Variants in ZCCHC14 observed in about 807,000 individuals in gnomAD.
ZCCHC14 encodes the protein zinc finger CCHC domain-containing protein 14.
A neutral mutation model predicts 85.0 loss-of-function variants in ZCCHC14; 16 were observed. The ratio of observed to expected loss-of-function variants is 0.19; its 90% CI spans 0.13 to 0.29. The LOEUF is 0.29. Ranked by LOEUF, ZCCHC14 falls within the 10% of genes least tolerant of loss-of-function variation. The pLI is 1.00. For missense variants in ZCCHC14, 1,303 were observed against 1,443.5 expected (o/e 0.90, Z 1.58); for synonymous variants, 775 against 630.7 (o/e 1.23, Z -3.43).
chr16:87,477,337 G>C (rs993634864), intron 1 of ZCCHC14, among the ~76,000 whole-genome samples: 2 of 152,206 alleles, frequency 1.3e-5, no homozygotes, highest in Admixed American at 6.5e-5. Context: ...CCGCTGGGGC[G>C]AAGGCAGGGA....
chr16:87,411,753 G>A lies in ZCCHC14; in HGVS notation c.2968C>T (p.Pro990Ser). Residue 990 changes from proline to serine, a missense_variant, in exon 12 of 13, where the codon CCT (proline) becomes TCT (serine). Transcript: ENST00000671377. ...GGSTFPVVHAPYSSSGTPDPV... is the reference protein window; with the variant it reads ...GGSTFPVVHASYSSSGTPDPV... ...TCTGGGGTCCCGCTGCTGCTGTAAGGGGCGTGCACGACGGGGAAGGTGGAG... is the reference window on the plus strand; with the variant it reads ...TCTGGGGTCCCGCTGCTGCTGTAAGAGGCGTGCACGACGGGGAAGGTGGAG... 1.2e-6 allele frequency: 2 copies of A among 1,612,686 alleles called. No individual in the cohort carries two copies. The highest frequency in any genetic ancestry group is 1.7e-6 in the Non-Finnish European group (2 of 1,179,012).
chr16:87,481,265 A>ATTT (rs1912254888), intron 1 of ZCCHC14, among the ~76,000 whole-genome samples: 1 of 152,192 alleles, frequency 6.6e-6, no homozygotes, highest in Non-Finnish European at 1.5e-5. Context: ...CTTCTGAACT[A>ATTT]TTTAATTAGA....
In ZCCHC14 at chr16:87,420,100, G is replaced by A. The variant is rs1909014076; in HGVS notation, c.951-223C>T. Reference sequence around the variant, plus strand: ...TCAATGCTGTATTCATGGCCACCAAGGTTGACGACAGCAGTCATGCCCTGT... The same window carrying A: ...TCAATGCTGTATTCATGGCCACCAAAGTTGACGACAGCAGTCATGCCCTGT... On this transcript the variant is annotated intron_variant, in intron 5 of 12. Transcript: ENST00000671377. The surrounding 1 kb of genome is among the most constrained non-coding windows in gnomAD (Gnocchi z 5.0). Among the ~76,000 whole-genome samples, 1 of 152,166 alleles carries A rather than the reference G, an allele frequency of 6.6e-6. No homozygotes were observed.
rs777531200 is a variant in ZCCHC14, at chr16:87,411,898, GAC to G, written c.2821_2822del (p.Val941GlnfsTer91). 6.3e-7 allele frequency: 1 copy of G among 1,595,448 alleles called. No homozygotes were observed. Among genetic ancestry groups the G allele is most frequent in the Non-Finnish European group, 8.5e-7 (1 of 1,172,450 alleles). Reference protein sequence around the residue: ...SGSCGSSGLTVSYANYFQHPF... With the variant: ...SGSCGSSGLTXSYANYFQHPF... ...GGTGCTGGAAGTAGTTGGCGTAGCT[GAC>G]AGTCAGGCCACTCGAGCCGCAGCTG... On this transcript the variant is annotated frameshift_variant, in exon 12 of 13. Transcript: ENST00000671377. LOFTEE classifies it high-confidence loss of function.
At position 87,470,156 on chromosome 16, in the gene ZCCHC14, G is replaced by A. The variant is rs1911714043; in HGVS notation, c.571-10025C>T. ...AAGACCAGCCTGGGCAACATAGTGA[G>A]ACTACATCTCTACCACAATTTAGAA... On this transcript the variant is annotated intron_variant, in intron 1 of 12. Transcript: ENST00000671377. Among the ~76,000 whole-genome samples, 3 of 151,992 alleles carry A rather than the reference G, an allele frequency of 2.0e-5. No homozygotes were observed. The South Asian group carries it at 6.2e-4, about 32-fold the overall frequency.
intron 2 of ZCCHC14, among the ~76,000 whole-genome samples, chr16:87,455,015 G>A (rs917511487): frequency 2.0e-5 from 3 of 152,200 alleles, no homozygotes; most frequent in East Asian, 1.9e-4. Context: ...GAGGCCGAGC[G>A]CCGTGGCTCA....
At position 87,411,887 on chromosome 16, in the gene ZCCHC14, T is replaced by C. The variant is rs771463715; in HGVS notation, c.2834A>G (p.Asn945Ser). Residue 945 changes from asparagine to serine, a missense_variant, in exon 12 of 13, where the codon AAC becomes AGC. Asn to Ser is a conservative substitution (Grantham distance 46). Transcript: ENST00000671377. ...GSSGLTVSYA[N>S]YFQHPFSGPS... ...ACCGGAGAACGGGTGCTGGAAGTAG[T>C]TGGCGTAGCTGACAGTCAGGCCACT... 116 of 1,598,298 alleles carry C rather than the reference T, an allele frequency of 7.3e-5. No homozygotes were observed. Among genetic ancestry groups the C allele is most frequent in the Admixed American group, 8.8e-5 (5 of 57,124 alleles).
chr16:87,459,595 C>T (rs11641226), intron 2 of ZCCHC14, among the ~76,000 whole-genome samples: 15,838 of 151,648 alleles, frequency 0.1, 1,018 homozygotes, highest in East Asian at 0.24. Context: ...CCACGACCTC[C>T]GCCTCCTGGG....
chr16:87,437,139 C>A (rs1210358237), intron 2 of ZCCHC14, among the ~76,000 whole-genome samples: 4 of 151,748 alleles, frequency 2.6e-5, no homozygotes, highest in African/African-American at 9.7e-5. Context: ...GAGTTAGAGA[C>A]CAGCCTGACC....
chr16:87,413,025 G>A (rs1347884052), intron 11 of ZCCHC14, 30 bp downstream of exon 11: 1 of 1,614,116 alleles, frequency 6.2e-7, no homozygotes, highest in Non-Finnish European at 8.5e-7. Context: ...GCTGGGCCAG[G>A]TCGAGCCAGC....
At chr16:87,446,576 G>C (rs1306634592) in intron 2 of ZCCHC14, among the ~76,000 whole-genome samples, 1 of 152,110 alleles carries the variant, frequency 6.6e-6, no homozygotes, top group Non-Finnish European at 1.5e-5. Flanking sequence ...ACGTTTGCCA[G>C]CTCCTGAATC....
intron 2 of ZCCHC14, among the ~76,000 whole-genome samples, chr16:87,449,529 C>T (rs1158636105): frequency 6.6e-6 from 1 of 152,086 alleles, no homozygotes; most frequent in Non-Finnish European, 1.5e-5. Context: ...ACCAAGAGAG[C>T]AAACCCCAAT....
At chr16:87,424,838 G>A (rs1909286691) in intron 3 of ZCCHC14, among the ~76,000 whole-genome samples, 2 of 152,174 alleles carry the variant, frequency 1.3e-5, no homozygotes, top group African/African-American at 2.4e-5. Flanking sequence ...AGGTCAGGAA[G>A]GGACAAGCAC....
At position 87,412,836 on chromosome 16, in the gene ZCCHC14, G is replaced by C. The variant is rs759439041; in HGVS notation, c.1885C>G (p.Pro629Ala). The C allele has an allele frequency of 1.9e-6, 3 of 1,609,778 alleles. No homozygotes were observed. Among genetic ancestry groups the C allele is most frequent in the Non-Finnish European group, 2.5e-6 (3 of 1,177,472 alleles). ...EASSNPSGHH[P>A]LPPQMLSAAS... ...GCGCTCAGCATCTGCGGGGGCAGGG[G>C]GTGGTGGCCTGATGGATTGGAGCTG... Residue 629 changes from proline (P) to alanine (A), a missense_variant, in exon 12 of 13, where the codon CCC (proline) becomes GCC (alanine). Pro to Ala is a conservative substitution (Grantham distance 27, BLOSUM62 -1). This residue lies in a region of ZCCHC14 where 797 missense variants were observed against 730.8 expected (regional missense o/e 1.09). Transcript: ENST00000671377.
At chr16:87,430,518 T>A (rs1375744453) in intron 3 of ZCCHC14, among the ~76,000 whole-genome samples, 5 of 152,000 alleles carry the variant, frequency 3.3e-5, no homozygotes, top group Non-Finnish European at 7.4e-5. Context: ...TTAACTTGAT[T>A]TCTTTCTTTT....
At chr16:87,466,235 A>T (rs187445602) in intron 1 of ZCCHC14, among the ~76,000 whole-genome samples, 1 of 152,350 alleles carries the variant, frequency 6.6e-6, no homozygotes, top group African/African-American at 2.4e-5. Flanking sequence ...TTTAATGTTC[A>T]CGGACCTGAC....
chr16:87,415,370 T>A lies in ZCCHC14; in HGVS notation c.1384-3A>T. 6.2e-7 allele frequency: 1 copy of A among 1,612,608 alleles called. No homozygotes were observed. On this transcript the variant is annotated splice_polypyrimidine_tract_variant and splice_region_variant and intron_variant, in intron 8 of 12. Transcript: ENST00000671377. ...TCTTCTTCAGTAAGGCTCAAAAACT[T>A]TCACAGAAAAAACAAATTACAAAGT...
intron 2 of ZCCHC14, among the ~76,000 whole-genome samples, chr16:87,456,348 G>A (rs1035280065): frequency 1.3e-5 from 2 of 151,806 alleles, no homozygotes; most frequent in Non-Finnish European, 2.9e-5. Context: ...GGCTAACACG[G>A]TGAAACCACG....
intron 1 of ZCCHC14, among the ~76,000 whole-genome samples, chr16:87,480,844 G>A (rs1912234799): frequency 6.6e-6 from 1 of 152,214 alleles, no homozygotes; most frequent in African/African-American, 2.4e-5. Flanking sequence ...GGGTATCACA[G>A]GTAACCGGTG....
Sources: gnomAD v4.1 joint callset for allele counts (sites outside exome capture counted in the v4.1 genomes callset) on GRCh38, gnomAD v4.1.1 for gene constraint, gnomAD v4.1.1 regional missense constraint, Gnocchi (gnomAD v3.1) non-coding constraint, MANE v1.5 for transcripts, NCBI Gene and HGNC (gene_info 2026-07-23, HGNC 2026-07-21) for gene names.